Variants in ADGRG4 observed in about 807,000 individuals in gnomAD.
The protein encoded by ADGRG4 is adhesion G protein-coupled receptor G4, also known as G protein-coupled receptor 112.
In ADGRG4, 122 loss-of-function variants were observed where a neutral mutation model predicts 126.2. That is an observed-to-expected ratio of 0.97 (90% confidence interval 0.83 to 1.12). The LOEUF (loss-of-function observed/expected upper bound fraction) is 1.12. ADGRG4 is among the 50% of genes most tolerant of loss of function. The pLI is 0.00. For missense variants in ADGRG4, 2,481 were observed against 2,251.8 expected, an observed-to-expected ratio of 1.10 and a Z score of -2.06; for synonymous variants, 943 against 838.7, an observed-to-expected ratio of 1.12 and a Z score of -2.15.
rs1315875473 is a variant in ADGRG4, at chrX:136,392,257, C to T, written c.7937C>T (p.Thr2646Ile). 1 of 1,162,661 alleles carries T rather than the reference C, an allele frequency of 8.6e-7. No homozygotes were observed. The highest frequency in any genetic ancestry group is 2.0e-5 in the South Asian group (1 of 50,820). Residue 2646 changes from threonine to isoleucine, a missense_variant, in exon 17 of 26, where the codon ACC becomes ATC. By Grantham distance (89) the Thr-to-Ile change is moderately conservative (BLOSUM62 -1). Coordinates refer to ENST00000394143, the MANE Select transcript of ADGRG4 (RefSeq NM_153834.4). The part of the protein sequence containing the change: ...FKTKNVTKAL[T>I]TYVVSASISD... ...ACCAAAAATGTCACTAAAGCATTAACCACCTATGTTGTGAGTGCCAGCATT... is the reference window on the plus strand; with the variant it reads ...ACCAAAAATGTCACTAAAGCATTAATCACCTATGTTGTGAGTGCCAGCATT...
chrX:136,374,723 C>A (rs1041855688), intron 15 of ADGRG4, among the ~76,000 whole-genome samples: 1 of 112,000 alleles, frequency 8.9e-6, no homozygotes, highest in Middle Eastern at 4.6e-3. Flanking sequence ...AGCTACCTCA[C>A]CCGGCCTGTA....
At chrX:136,375,597 A>G (rs766537977) in intron 15 of ADGRG4, among the ~76,000 whole-genome samples, 1 of 112,136 alleles carries the variant, frequency 8.9e-6, no homozygotes, top group South Asian at 3.7e-4. Flanking sequence ...GTAAGGTGGT[A>G]TCTCATGGTG....
Position 136,412,355 on chromosome X carries a change from A to T in ADGRG4, c.9026A>T (p.Asp3009Val), listed in dbSNP as rs947315989. ...IHLCCGWLRL[D>V]NSSDGSSRCQ... The stretch of plus-strand genomic sequence containing the variant: ...CTCTGCTGTGGGTGGTTGCGATTGG[A>T]TAACTCTTCTGGTAAGATGTCAGTT... The change falls in exon 24 of 26, where the codon GAT (aspartate) becomes GTT (valine). Residue 3009 changes from aspartate to valine, a missense_variant. By Grantham distance (152) the Asp-to-Val change is radical. Transcript: ENST00000394143. The T allele has an allele frequency of 1.3e-5, 15 of 1,148,528 alleles. No homozygotes were observed. Among genetic ancestry groups the T allele is most frequent in the Non-Finnish European group, 1.8e-5 (15 of 838,918 alleles). 94.7% of individuals were successfully genotyped at this position (1,148,528 alleles called of 1,213,427 possible).
At chrX:136,397,737 C>T in intron 19 of ADGRG4, 144 bp from the exon 20 acceptor site, 1 of 538,657 alleles carries the variant, frequency 1.9e-6, no homozygotes, top group South Asian at 3.1e-5. Flanking sequence ...TCTTACCATA[C>T]ATCCATTCAC....
chrX:136,371,466 A>G lies in ADGRG4; in HGVS notation c.7535A>G (p.His2512Arg). 8.4e-7 allele frequency: 1 copy of G among 1,196,059 alleles called. No individual in the cohort carries two copies. Among genetic ancestry groups the G allele is most frequent in the Non-Finnish European group, 1.1e-6 (1 of 884,679 alleles). ...QCDEISMNLT[H>R]VMLQIINVVL... ...GATGAGATAAGTATGAACCTAACTC[A>G]TGTTATGTTACAAATAATCAACGTT... The change falls in exon 14 of 26, where the codon CAT (histidine) becomes CGT (arginine). Residue 2512 changes from histidine (H) to arginine (R), a missense_variant. His to Arg is a conservative substitution (Grantham distance 29). Transcript: ENST00000394143.
rs764260999 is a variant in ADGRG4, at chrX:136,340,035, A to G, written c.686-4357A>G. Among the ~76,000 whole-genome samples the G allele has an allele frequency of 5.4e-5, 6 of 110,881 alleles. No homozygotes were observed. In the South Asian group the frequency reaches 2.3e-3, roughly 43 times the overall value. ...AGGATAAAAAAAATCCCTACCACAT[A>G]TAGGGAAAAGAGAAAGATTGATGAA... On this transcript the variant is annotated intron_variant, in intron 5 of 25. Coordinates refer to ENST00000394143, the MANE Select transcript of ADGRG4 (RefSeq NM_153834.4).
At chrX:136,412,689 G>C (rs147896691) in intron 24 of ADGRG4, among the ~76,000 whole-genome samples, 1 of 112,354 alleles carries the variant, frequency 8.9e-6, no homozygotes, top group Non-Finnish European at 1.9e-5. Flanking sequence ...GGGTCTCAGG[G>C]GCTTCTGGCT....
In ADGRG4 at chrX:136,345,815, C is replaced by T; in HGVS notation, c.2109C>T (p.Thr703=). 8.3e-7 allele frequency: 1 copy of T among 1,210,397 alleles called. No homozygotes were observed. The highest frequency in any genetic ancestry group is 1.8e-5 in the South Asian group (1 of 56,858). ...TEYLSATTNI[T]PLKASPEGKG... ...ATTTATCCGCAACTACCAATATCAC[C>T]CCACTGAAAGCATCTCCAGAGGGCA... The change falls in exon 6 of 26, where the codon ACC becomes ACT. Residue 703 remains threonine, a synonymous_variant. Transcript: ENST00000394143.
intron 4 of ADGRG4, among the ~76,000 whole-genome samples, chrX:136,313,515 A>G (rs2074786666): frequency 9.0e-6 from 1 of 111,678 alleles, no homozygotes; most frequent in Non-Finnish European, 1.9e-5. Flanking sequence ...TTTCTTTTTA[A>G]TTTTTTCAGA....
chrX:136,370,648 G>T (rs773031717), intron 13 of ADGRG4, among the ~76,000 whole-genome samples: 2 of 111,858 alleles, frequency 1.8e-5, no homozygotes, highest in South Asian at 7.5e-4. Context: ...AATAATATGG[G>T]GTTGGGGAAA....
intron 4 of ADGRG4, among the ~76,000 whole-genome samples, chrX:136,314,899 T>C (rs1215191335): frequency 9.0e-6 from 1 of 111,577 alleles, no homozygotes; most frequent in Non-Finnish European, 1.9e-5. Flanking sequence ...AGGACATCTA[T>C]TTTTTTGGGT....
chrX:136,414,218 CTT>C lies in ADGRG4; in HGVS notation c.9098_9099del (p.Phe3033Ter). On this transcript the variant is annotated frameshift_variant, in exon 25 of 26. Transcript: ENST00000394143. LOFTEE classifies it high-confidence loss of function. ...GYKQEGLKKI[F>X]EHKLLTPSLK... ...ATAAACAGGAGGGACTAAAGAAAAT[CTT>C]TGAGCACAAACTGTTGACGCCATCT... The C allele has an allele frequency of 8.3e-7, 1 of 1,205,675 alleles. No individual in the cohort carries two copies. The highest frequency in any genetic ancestry group is 1.1e-6 in the Non-Finnish European group (1 of 890,539).
chrX:136,375,401 A>G (rs763137464), intron 15 of ADGRG4, among the ~76,000 whole-genome samples: 46 of 112,025 alleles, frequency 4.1e-4, no homozygotes, highest in Non-Finnish European at 6.8e-4. Flanking sequence ...ATAGATACCC[A>G]GTAGTGGGAT....
chrX:136,391,968 G>A (rs1365275511), intron 16 of ADGRG4, among the ~76,000 whole-genome samples: 2 of 112,514 alleles, frequency 1.8e-5, no homozygotes, highest in Non-Finnish European at 3.8e-5. Flanking sequence ...GCAGTACTGA[G>A]TAGCAGGTGC....
intron 12 of ADGRG4, among the ~76,000 whole-genome samples, chrX:136,361,875 G>A (rs752698517): frequency 9.0e-6 from 1 of 111,700 alleles, no homozygotes; most frequent in African/African-American, 3.3e-5. Flanking sequence ...CTGTTTTTAG[G>A]TTGGCATATA....
Position 136,347,715 on chromosome X carries a change from A to G in ADGRG4, c.4009A>G (p.Thr1337Ala). 8.3e-7 allele frequency: 1 copy of G among 1,209,328 alleles called. No individual in the cohort carries two copies. The highest frequency in any genetic ancestry group is 1.1e-6 in the Non-Finnish European group (1 of 893,441). ...NLASSPTSGS[T>A]QITPTLTSSN... ...GGCTTCATCTCCCACTTCTGGAAGC[A>G]CACAGATTACACCAACCTTGACCTC... The change falls in exon 6 of 26, where the codon ACA (threonine) becomes GCA (alanine). Residue 1337 changes from threonine to alanine, a missense_variant. Transcript: ENST00000394143.
intron 3 of ADGRG4, 141 bp downstream of exon 3, chrX:136,305,164 A>T (rs1603289714): frequency 8.9e-6 from 1 of 112,084 alleles, no homozygotes; most frequent in East Asian, 2.8e-4. Context: ...CACTACTCTG[A>T]TAACAGTTTG....
intron 15 of ADGRG4, among the ~76,000 whole-genome samples, chrX:136,387,450 T>C (rs1046412106): frequency 4.5e-5 from 5 of 111,919 alleles, no homozygotes; most frequent in African/African-American, 1.6e-4. Flanking sequence ...TTCCCTCTCA[T>C]CTCTATTATT....
intron 4 of ADGRG4, among the ~76,000 whole-genome samples, chrX:136,311,081 C>T (rs1312278649): frequency 2.7e-5 from 3 of 110,657 alleles, no homozygotes; most frequent in Admixed American, 9.7e-5. Context: ...TCTGTGTCCT[C>T]GCAAGGCTGA....
Sources: allele counts gnomAD v4.1 joint callset (sites outside exome capture counted in the v4.1 genomes callset), GRCh38; gene constraint gnomAD v4.1.1; transcripts MANE v1.5; gene names NCBI Gene and HGNC (gene_info 2026-07-23, HGNC 2026-07-21).